Variants in SGCZ observed in about 807,000 individuals in gnomAD.
SGCZ encodes the protein zeta-sarcoglycan.
In SGCZ, 40 loss-of-function variants were observed where a neutral mutation model predicts 41.3. The observed-to-expected ratio is 0.97, with a 90% CI of 0.75 to 1.26. The LOEUF (loss-of-function observed/expected upper bound fraction) is 1.26, where lower values mean the gene tolerates loss of function less well. SGCZ is among the 50% of genes most tolerant of loss of function. The pLI, the probability that SGCZ is intolerant of heterozygous loss-of-function variation, is 0.00. For synonymous variants in SGCZ, 206 were observed against 137.5 expected, an observed-to-expected ratio of 1.50 and a Z score of -3.49; for missense variants, 552 against 369.8, an observed-to-expected ratio of 1.49 and a Z score of -4.04.
intron 1 of SGCZ, among the ~76,000 whole-genome samples, chr8:15,000,784 T>A (rs775267580): frequency 1.4e-4 from 21 of 152,212 alleles, no homozygotes; most frequent in Non-Finnish European, 2.8e-4. Flanking sequence ...CCAGCCTGCC[T>A]ATAAAATCTG....
In SGCZ at chr8:14,196,432, G is replaced by T. The variant is rs77397985; in HGVS notation, c.425-31730C>A. On this transcript the variant is annotated intron_variant, in intron 4 of 7. Transcript: ENST00000382080. ...AATAACAAGTGGTGGAAAATTTGTGGAGTTACTTGAAATGCAAAATTTTTC... is the reference window on the plus strand; with the variant it reads ...AATAACAAGTGGTGGAAAATTTGTGTAGTTACTTGAAATGCAAAATTTTTC... 3.1e-4 allele frequency among the ~76,000 whole-genome samples: 47 copies of T among 152,076 alleles called. No individual in the cohort carries two copies. In the East Asian group the frequency reaches 8.9e-3, roughly 29 times the overall value.
At chr8:14,283,680 G>A (rs1800525477) in intron 3 of SGCZ, among the ~76,000 whole-genome samples, 1 of 152,120 alleles carries the variant, frequency 6.6e-6, no homozygotes, top group African/African-American at 2.4e-5. Flanking sequence ...GAGATACAGT[G>A]ATCGAACATG....
intron 1 of SGCZ, among the ~76,000 whole-genome samples, chr8:14,917,019 T>C (rs932958691): frequency 2.6e-5 from 4 of 152,042 alleles, no homozygotes; most frequent in African/African-American, 9.7e-5. Flanking sequence ...ATTTTGGAAA[T>C]AGAAACAGTC....
In SGCZ at chr8:14,834,643, T is replaced by C. The variant is rs1416490867; in HGVS notation, c.40-279717A>G. On this transcript the variant is annotated intron_variant, in intron 1 of 7. Transcript: ENST00000382080. ...GGATGGCCTTTTTATGATCGCACTT[T>C]GGAGCGGAAGTGTATCATTTCTGCT... Among the ~76,000 whole-genome samples the C allele has an allele frequency of 6.6e-5, 10 of 152,312 alleles. No homozygotes were observed. In the South Asian group the frequency reaches 2.1e-3, roughly 32 times the overall value.
At chr8:14,846,159 GA>G (rs973891239) in intron 1 of SGCZ, among the ~76,000 whole-genome samples, 2 of 152,054 alleles carry the variant, frequency 1.3e-5, no homozygotes, top group South Asian at 4.2e-4. Flanking sequence ...TAACAGACCA[GA>G]AAAAAATACT....
chr8:15,033,186 G>C (rs1455912212), intron 1 of SGCZ, among the ~76,000 whole-genome samples: 1 of 151,462 alleles, frequency 6.6e-6, no homozygotes, highest in Non-Finnish European at 1.5e-5. Context: ...GTGAACCAAG[G>C]TTTCAGGCAG....
intron 1 of SGCZ, among the ~76,000 whole-genome samples, chr8:14,844,956 C>T (rs1356449200): frequency 6.6e-6 from 1 of 152,156 alleles, no homozygotes; most frequent in Non-Finnish European, 1.5e-5. Context: ...CCAGGAGGTT[C>T]TCTGAGTTGA....
chr8:14,307,802 A>C (rs1246609506), intron 3 of SGCZ, among the ~76,000 whole-genome samples: 3 of 152,156 alleles, frequency 2.0e-5, no homozygotes, highest in Non-Finnish European at 2.9e-5. Flanking sequence ...CAAGGGCAAG[A>C]AAAAGAGGTC....
intron 5 of SGCZ, among the ~76,000 whole-genome samples, chr8:14,160,382 G>C (rs1039518252): frequency 2.6e-5 from 4 of 152,124 alleles, no homozygotes; most frequent in Non-Finnish European, 5.9e-5. Flanking sequence ...AGAGACTTCC[G>C]TGTGTAAAGG....
At chr8:15,196,112 T>C (rs28375629) in intron 1 of SGCZ, among the ~76,000 whole-genome samples, 31,820 of 148,958 alleles carry the variant, frequency 0.21, 4,657 homozygotes, top group Middle Eastern at 0.23. Flanking sequence ...TTAGCCAGGA[T>C]GGTCTCGATC....
chr8:14,334,780 A>T (rs1802455286), intron 2 of SGCZ, among the ~76,000 whole-genome samples: 1 of 152,128 alleles, frequency 6.6e-6, no homozygotes, highest in African/African-American at 2.4e-5. Context: ...ACACCCATAG[A>T]CTGTTTTAAA....
Position 15,237,441 on chromosome 8 carries a change from C to T in SGCZ, c.39+144G>A, listed in dbSNP as rs113938065. 54 of 978,380 alleles carry T rather than the reference C, an allele frequency of 5.5e-5. No homozygotes were observed. The African/African-American group carries it at 6.0e-4, about 11-fold the overall frequency. 60.6% of individuals were successfully genotyped at this position (978,380 alleles called of 1,614,324 possible). A position where few individuals can be genotyped will look rare whatever the true frequency, so the allele number is the denominator to read the frequency against. On this transcript the variant is annotated intron_variant, in intron 1 of 7. Transcript: ENST00000382080. The stretch of plus-strand genomic sequence containing the variant: ...CTCGGCCCCAGCAGGGGCGCCTGCG[C>T]CCGGGTGCGCGTCCCCCCAACGCCC...
In SGCZ at chr8:15,237,778, G is replaced by A. The variant is rs186216935; in HGVS notation, c.-155C>T. Reference sequence around the variant, plus strand: ...TCCGTGGTCACGCCGCCTCCACCGGGTTAAAAATAAGGAAAATAAATAAAT... The same window carrying A: ...TCCGTGGTCACGCCGCCTCCACCGGATTAAAAATAAGGAAAATAAATAAAT... On this transcript the variant is annotated 5_prime_UTR_variant, in exon 1 of 8. Transcript: ENST00000382080. The A allele has an allele frequency of 9.4e-6, 6 of 637,216 alleles. No homozygotes were observed. Among genetic ancestry groups the A allele is most frequent in the Non-Finnish European group, 1.7e-5 (6 of 361,538 alleles). 39.5% of individuals were successfully genotyped at this position (637,216 alleles called of 1,614,324 possible).
At chr8:14,880,208 A>C (rs145117186) in intron 1 of SGCZ, among the ~76,000 whole-genome samples, 2 of 152,278 alleles carry the variant, frequency 1.3e-5, no homozygotes, top group Admixed American at 6.5e-5. Flanking sequence ...CTAATTGCTC[A>C]TCATCACTGG....
chr8:14,548,750 T>C (rs561217614), intron 2 of SGCZ, among the ~76,000 whole-genome samples: 1 of 152,302 alleles, frequency 6.6e-6, no homozygotes, highest in South Asian at 2.1e-4. Context: ...CATGTGTATG[T>C]GTATTTTTAA....
chr8:14,126,253 G>T (rs1335972318), intron 5 of SGCZ, among the ~76,000 whole-genome samples: 1 of 152,078 alleles, frequency 6.6e-6, no homozygotes, highest in Non-Finnish European at 1.5e-5. Flanking sequence ...CTAACATCCC[G>T]AATTTACAAG....
intron 1 of SGCZ, among the ~76,000 whole-genome samples, chr8:15,126,412 T>C (rs1807681507): frequency 6.6e-6 from 1 of 152,200 alleles, no homozygotes; most frequent in Non-Finnish European, 1.5e-5. Context: ...TTAATTAATT[T>C]AGTGACCACA....
chr8:14,859,753 C>A (rs1421110638), intron 1 of SGCZ, among the ~76,000 whole-genome samples: 5 of 151,984 alleles, frequency 3.3e-5, no homozygotes, highest in Non-Finnish European at 7.4e-5. Context: ...ATATGTAAGC[C>A]AGCGAAATAT....
At chr8:14,291,478 T>A (rs1800840892) in intron 3 of SGCZ, among the ~76,000 whole-genome samples, 1 of 152,042 alleles carries the variant, frequency 6.6e-6, no homozygotes, top group South Asian at 2.1e-4. Flanking sequence ...AATTTATTTG[T>A]GCACTTTTAT....
Sources: gnomAD v4.1 joint callset for allele counts (sites outside exome capture counted in the v4.1 genomes callset) on GRCh38, gnomAD v4.1.1 for gene constraint, MANE v1.5 for transcripts, NCBI Gene and HGNC (gene_info 2026-07-23, HGNC 2026-07-21) for gene names.